OXCT1: variants seen among roughly 807,000 people sequenced by gnomAD.
OXCT1 encodes 3-oxoacid CoA-transferase 1.
In OXCT1, 27 loss-of-function variants were observed where a neutral mutation model predicts 69.6. The observed-to-expected ratio is 0.39, with a 90% CI of 0.29 to 0.54. The LOEUF is 0.54. Ranked by LOEUF, OXCT1 falls within the 20% of genes least tolerant of loss-of-function variation. OXCT1 has a pLI of 0.72. For synonymous variants in OXCT1, 202 were observed against 217.8 expected (o/e 0.93, Z 0.64); for missense variants, 437 against 650.2 (o/e 0.67, Z 3.57).
intron 3 of OXCT1, among the ~76,000 whole-genome samples, chr5:41,858,351 A>G (rs1209136759): frequency 6.6e-6 from 1 of 152,212 alleles, no homozygotes; most frequent in Non-Finnish European, 1.5e-5. Context: ...AGATAAAGAA[A>G]AATAGATGTG....
chr5:41,818,541 T>A (rs187535698), intron 7 of OXCT1, among the ~76,000 whole-genome samples: 97 of 152,104 alleles, frequency 6.4e-4, no homozygotes, highest in Admixed American at 2.7e-3. Context: ...CACAAGAGAG[T>A]TCACTTTAGC....
chr5:41,759,846 A>C (rs1357140653), intron 14 of OXCT1, among the ~76,000 whole-genome samples: 3 of 152,120 alleles, frequency 2.0e-5, no homozygotes, highest in African/African-American at 4.8e-5. Context: ...AAACAAAAAA[A>C]ACAGCAAAAC....
At chr5:41,856,158 GC>G (rs1749418253) in intron 3 of OXCT1, among the ~76,000 whole-genome samples, 1 of 152,178 alleles carries the variant, frequency 6.6e-6, no homozygotes, top group South Asian at 2.1e-4. Context: ...AAGATGAAAG[GC>G]CGGGATATCA....
intron 1 of OXCT1, among the ~76,000 whole-genome samples, chr5:41,867,414 C>T (rs935672200): frequency 1.3e-5 from 2 of 152,154 alleles, no homozygotes; most frequent in Non-Finnish European, 2.9e-5. Flanking sequence ...ATTTTAAACA[C>T]AATCATAGTA....
intron 11 of OXCT1, among the ~76,000 whole-genome samples, chr5:41,800,291 A>G (rs1227110690): frequency 1.3e-5 from 2 of 152,104 alleles, no homozygotes; most frequent in African/African-American, 4.8e-5. Flanking sequence ...ACTTACCAGC[A>G]GAGTACCTCC....
chr5:41,862,590 A>G, intron 2 of OXCT1, 52 bp downstream of exon 2: 1 of 961,716 alleles, frequency 1.0e-6, no homozygotes, highest in Non-Finnish European at 1.7e-6. Context: ...TGCCTGCTTC[A>G]TTTAAAAACA....
intron 7 of OXCT1, among the ~76,000 whole-genome samples, chr5:41,828,259 C>T (rs1330150169): frequency 6.6e-6 from 1 of 151,994 alleles, no homozygotes; most frequent in Non-Finnish European, 1.5e-5. Flanking sequence ...AGGCGCTTGC[C>T]ACCATGCCTG....
At chr5:41,849,993 G>C (rs1334751809) in intron 5 of OXCT1, 37 bp downstream of exon 5, 111 of 1,609,904 alleles carry the variant, frequency 6.9e-5, no homozygotes, top group Non-Finnish European at 9.3e-5. Flanking sequence ...CGTGGAAAGA[G>C]GGATCCTGGT....
At chr5:41,863,143 A>C (rs1749819751) in intron 1 of OXCT1, among the ~76,000 whole-genome samples, 1 of 152,194 alleles carries the variant, frequency 6.6e-6, no homozygotes, top group Admixed American at 6.5e-5. Context: ...TTGTAAATTA[A>C]AATGAATGAT....
At chr5:41,795,030 T>C (rs993647170) in intron 11 of OXCT1, among the ~76,000 whole-genome samples, 3 of 152,248 alleles carry the variant, frequency 2.0e-5, no homozygotes, top group Non-Finnish European at 2.9e-5. Context: ...CCCTTTTTGG[T>C]ACCTCAGACC....
chr5:41,820,587 T>C (rs1747499924), intron 7 of OXCT1, among the ~76,000 whole-genome samples: 1 of 152,158 alleles, frequency 6.6e-6, no homozygotes, highest in African/African-American at 2.4e-5. Context: ...TTTTATGTAA[T>C]GAAATATATA....
intron 7 of OXCT1, among the ~76,000 whole-genome samples, chr5:41,825,077 G>C (rs1022869792): frequency 6.6e-6 from 1 of 152,082 alleles, no homozygotes; most frequent in African/African-American, 2.4e-5. Context: ...AAGGTAGCAG[G>C]GTTCTTCACA....
At chr5:41,753,428 G>T (rs1743910512) in intron 14 of OXCT1, among the ~76,000 whole-genome samples, 1 of 152,090 alleles carries the variant, frequency 6.6e-6, no homozygotes, top group African/African-American at 2.4e-5. Flanking sequence ...GGATTTGCCT[G>T]CTCCTAAAAA....
intron 7 of OXCT1, among the ~76,000 whole-genome samples, chr5:41,823,264 C>A (rs918750023): frequency 7.2e-5 from 11 of 152,146 alleles, no homozygotes; most frequent in African/African-American, 2.7e-4. Context: ...GGGTATATTT[C>A]AAAATGTCCA....
intron 13 of OXCT1, among the ~76,000 whole-genome samples, chr5:41,793,603 T>C (rs1342413114): frequency 2.6e-5 from 4 of 152,256 alleles, no homozygotes; most frequent in African/African-American, 9.6e-5. Flanking sequence ...TTTCAATCAC[T>C]GATTAATAGA....
intron 12 of OXCT1, chr5:41,794,283 T>C (rs561474905): frequency 9.3e-5 from 58 of 620,786 alleles, no homozygotes; most frequent in Non-Finnish European, 1.5e-4. Context: ...CAGTATACAT[T>C]GTTTCAATAA....
chr5:41,870,183 G>T lies in OXCT1; in HGVS notation c.78+98C>A. 3 of 946,352 alleles carry T rather than the reference G, an allele frequency of 3.2e-6. No homozygotes were observed. The highest frequency in any genetic ancestry group is 5.1e-6 in the Non-Finnish European group (3 of 588,752). The allele number at this position is 946,352 out of a possible 1,614,324, so 58.6% of individuals were successfully genotyped here. On this transcript the variant is annotated intron_variant, in intron 1 of 16. Transcript: ENST00000196371. The surrounding 1 kb of genome is among the most constrained non-coding windows in gnomAD (Gnocchi z 4.2). ...GCCACGGATGCCAGATCCCAGGCTG[G>T]AGAGAGCGGGTAGGGGCAGAGAAGA...
At chr5:41,850,204 A>T (rs375192076) in intron 4 of OXCT1, 25 bp from the exon 5 acceptor site, 14 of 1,612,392 alleles carry the variant, frequency 8.7e-6, no homozygotes, top group African/African-American at 2.7e-5. Flanking sequence ...CCAACACCCC[A>T]TAAGTTCACT....
rs746178325 is a variant in OXCT1 at position 41,853,573 on chromosome 5, G to T, written c.279-19C>A. On this transcript the variant is annotated intron_variant, in intron 3 of 16. Coordinates refer to ENST00000196371, the MANE Select transcript of OXCT1 (RefSeq NM_000436.4). Reference sequence around the variant, plus strand: ...GTCAACCCTAGAAGGAAAATGAAGGGAGCTTACCAAAGAGCATCTGACAGA... The same window carrying T: ...GTCAACCCTAGAAGGAAAATGAAGGTAGCTTACCAAAGAGCATCTGACAGA... The T allele has an allele frequency of 3.7e-6, 6 of 1,612,696 alleles. No individual in the cohort carries two copies. The African/African-American group carries it at 6.7e-5, about 18-fold the overall frequency.
Sources: gnomAD v4.1 joint callset for allele counts (sites outside exome capture counted in the v4.1 genomes callset) on GRCh38, gnomAD v4.1.1 for gene constraint, Gnocchi (gnomAD v3.1) non-coding constraint, MANE v1.5 for transcripts, NCBI Gene and HGNC (gene_info 2026-07-23, HGNC 2026-07-21) for gene names.